The following SLC39A8 variants were observed in gnomAD, a reference collection of about 807,000 sequenced individuals.
SLC39A8 encodes the protein metal cation symporter ZIP8.
SLC39A8 carries 15 observed loss-of-function variants against 40.4 expected under a neutral mutation model. The observed-to-expected ratio is 0.37, with a 90% CI of 0.25 to 0.57. The LOEUF is 0.57. SLC39A8 is among the 20% of genes least tolerant of loss of function. SLC39A8 has a pLI of 0.75. For missense variants in SLC39A8, 472 were observed against 558.8 expected (o/e 0.84, Z 1.57); for synonymous variants, 223 against 221.6 (o/e 1.01, Z -0.06).
At chr4:102,331,122 G>A (rs1264720529) in intron 2 of SLC39A8, among the ~76,000 whole-genome samples, 2 of 152,162 alleles carry the variant, frequency 1.3e-5, no homozygotes, top group African/African-American at 2.4e-5. Flanking sequence ...CACAAGACAA[G>A]GATGCCCTCT....
At chr4:102,337,009 G>T (rs1735695352) in intron 2 of SLC39A8, among the ~76,000 whole-genome samples, 1 of 151,960 alleles carries the variant, frequency 6.6e-6, no homozygotes, top group Non-Finnish European at 1.5e-5. Context: ...AATACTAGCT[G>T]TTTGCACTTA....
rs141684352 is a variant in SLC39A8, at chr4:102,292,350, C to A, written c.840+11967G>T. On this transcript the variant is annotated intron_variant, in intron 6 of 8. Transcript: ENST00000356736. Reference sequence around the variant, plus strand: ...ATTTGTCAATTTAATTAATTAACTTCTAAAAATTCAATCCAACTGCCTTTA... The same window carrying A: ...ATTTGTCAATTTAATTAATTAACTTATAAAAATTCAATCCAACTGCCTTTA... Among the ~76,000 whole-genome samples the A allele has an allele frequency of 1.2e-4, 18 of 152,162 alleles. 1 individual carries two copies. The highest frequency in any genetic ancestry group is 6.8e-3 in the Middle Eastern group (2 of 294).
chr4:102,321,707 T>C (rs1013374267), intron 2 of SLC39A8, among the ~76,000 whole-genome samples: 6 of 152,094 alleles, frequency 3.9e-5, no homozygotes, highest in Non-Finnish European at 8.8e-5. Context: ...GGTGGCAACT[T>C]TGGTTTTAGA....
chr4:102,310,610 T>G (rs758121737), intron 3 of SLC39A8, among the ~76,000 whole-genome samples: 4 of 152,112 alleles, frequency 2.6e-5, no homozygotes, highest in African/African-American at 7.2e-5. Flanking sequence ...GGGAGTGTAA[T>G]TCATCACATT....
intron 2 of SLC39A8, among the ~76,000 whole-genome samples, chr4:102,340,404 C>T (rs918184431): frequency 7.9e-5 from 12 of 152,130 alleles, no homozygotes; most frequent in African/African-American, 2.9e-4. Context: ...ATTGAAGGGA[C>T]TTCGACTACA....
At chr4:102,252,344 T>G (rs1301415243) in exon 12 of SLC39A8, 1 of 152,374 alleles carries the variant, frequency 6.6e-6, no homozygotes, top group Non-Finnish European at 1.5e-5. Context: ...GATAATGCCC[T>G]TCTTTGTGCT....
intron 6 of SLC39A8, among the ~76,000 whole-genome samples, chr4:102,296,847 A>G (rs776109676): frequency 1.3e-4 from 20 of 152,108 alleles, no homozygotes; most frequent in Non-Finnish European, 2.6e-4. Context: ...GAGGGGCTCC[A>G]GCGAAAAACC....
At chr4:102,269,857 T>TA (rs956762110) in intron 6 of SLC39A8, 13 of 152,332 alleles carry the variant, frequency 8.5e-5, no homozygotes, top group Non-Finnish European at 1.2e-4. Context: ...CTTATCCGCA[T>TA]AAAAAATTCT....
At chr4:102,275,636 AATAG>A (rs1732584559) in intron 6 of SLC39A8, among the ~76,000 whole-genome samples, 2 of 152,184 alleles carry the variant, frequency 1.3e-5, no homozygotes, top group East Asian at 1.9e-4. Context: ...AAGCTGACCT[AATAG>A]ATATCTACAG....
At position 102,344,896 on chromosome 4, in the gene SLC39A8, C is replaced by T. The variant is rs1166636057; in HGVS notation, c.-234G>A. On this transcript the variant is annotated 5_prime_UTR_variant, in exon 2 of 9. Coordinates refer to ENST00000356736, the MANE Select transcript of SLC39A8 (RefSeq NM_001135146.2). Reference sequence around the variant, plus strand: ...GAGGGGAGCGATAGGCGGAGTGGGCCCCCCGGCCTCCTGGAGAGCCTGAGA... The same window carrying T: ...GAGGGGAGCGATAGGCGGAGTGGGCTCCCCGGCCTCCTGGAGAGCCTGAGA... 7.7e-7 allele frequency: 1 copy of T among 1,298,196 alleles called. No homozygotes were observed. Among genetic ancestry groups the T allele is most frequent in the South Asian group, 2.4e-5 (1 of 41,958 alleles). 80.4% of individuals were successfully genotyped at this position (1,298,196 alleles called of 1,614,324 possible).
At chr4:102,254,980 T>A (rs1303947251) in intron 11 of SLC39A8, among the ~76,000 whole-genome samples, 1 of 152,090 alleles carries the variant, frequency 6.6e-6, no homozygotes, top group Non-Finnish European at 1.5e-5. Flanking sequence ...TTGTGCTAAG[T>A]GAAAAAAAGT....
chr4:102,303,904 CAATT>C (rs1252821187), intron 6 of SLC39A8, among the ~76,000 whole-genome samples: 1 of 151,706 alleles, frequency 6.6e-6, no homozygotes, highest in Non-Finnish European at 1.5e-5. Context: ...ATAAGTCAGA[CAATT>C]AATAAAAACA....
At chr4:102,344,990 C>A (rs1297587836) in intron 1 of SLC39A8, 75 bp from the exon 2 acceptor site, 1 of 977,664 alleles carries the variant, frequency 1.0e-6, no homozygotes, top group East Asian at 5.3e-5. Flanking sequence ...AGAAACGCTG[C>A]GTGGCAGTAG....
Position 102,263,097 on chromosome 4 carries a change from A to G in SLC39A8, c.1330T>C (p.Phe444Leu). 1.9e-6 allele frequency: 3 copies of G among 1,613,730 alleles called. No individual in the cohort carries two copies. Among genetic ancestry groups the G allele is most frequent in the Non-Finnish European group, 2.5e-6 (3 of 1,179,738 alleles). ...AAGGTAATGAGTAGAATGGCTGTGA[A>G]TCCAGTTAACATTCCAGCATTCTGA... Reference protein sequence around the residue: ...MIQNAGMLTGFTAILLITLYA... With the variant: ...MIQNAGMLTGLTAILLITLYA... Residue 444 changes from phenylalanine to leucine, a missense_variant, in exon 9 of 9, where the codon TTC becomes CTC. Phe to Leu is a conservative substitution (Grantham distance 22). This residue lies in a region of SLC39A8 where 50 missense variants were observed against 50.5 expected (regional missense o/e 0.99). Transcript: ENST00000356736.
At chr4:102,292,620 C>T (rs183777191) in intron 6 of SLC39A8, among the ~76,000 whole-genome samples, 8 of 152,186 alleles carry the variant, frequency 5.3e-5, no homozygotes, top group East Asian at 3.9e-4. Flanking sequence ...GCATATGATT[C>T]GATGACTTTG....
chr4:102,340,758 T>A (rs1000873144), intron 2 of SLC39A8, among the ~76,000 whole-genome samples: 6 of 152,208 alleles, frequency 3.9e-5, no homozygotes, highest in Non-Finnish European at 7.3e-5. Flanking sequence ...GTAAAAAATA[T>A]TTCAGGAATT....
chr4:102,313,304 C>A (rs1419631745), intron 3 of SLC39A8, among the ~76,000 whole-genome samples: 1 of 152,072 alleles, frequency 6.6e-6, no homozygotes, highest in Non-Finnish European at 1.5e-5. Flanking sequence ...ATAGTAGTGT[C>A]TACATCATAT....
chr4:102,321,127 C>T (rs1044919752), intron 2 of SLC39A8, among the ~76,000 whole-genome samples: 1 of 151,764 alleles, frequency 6.6e-6, no homozygotes, highest in Non-Finnish European at 1.5e-5. Context: ...ATCACTGTGG[C>T]AGAAATAAAT....
chr4:102,304,797 C>T (rs1734095964), intron 5 of SLC39A8, among the ~76,000 whole-genome samples, 192 bp downstream of exon 5: 1 of 151,506 alleles, frequency 6.6e-6, no homozygotes, highest in Admixed American at 6.6e-5. Context: ...AAATAACCTC[C>T]AAATTTTACA....
Sources: gnomAD v4.1 joint callset for allele counts (sites outside exome capture counted in the v4.1 genomes callset) on GRCh38, gnomAD v4.1.1 for gene constraint, gnomAD v4.1.1 regional missense constraint, MANE v1.5 for transcripts, NCBI Gene and HGNC (gene_info 2026-07-23, HGNC 2026-07-21) for gene names.